The following ADCY8 variants were observed in gnomAD, a reference collection of about 807,000 sequenced individuals.
ADCY8 encodes adenylate cyclase 8, also known as adenylate cyclase type 8.
A neutral mutation model predicts 119.7 loss-of-function variants in ADCY8; 51 were observed. The observed-to-expected ratio is 0.43, with a 90% CI of 0.34 to 0.54. The LOEUF (loss-of-function observed/expected upper bound fraction) is 0.54. Among genes scored for constraint, ADCY8 ranks in the 20% least tolerant of loss-of-function variants. The pLI, the probability that ADCY8 is intolerant of heterozygous loss-of-function variation, is 0.03. For missense variants in ADCY8, 1,383 were observed against 1,598.8 expected, an observed-to-expected ratio of 0.87 and a Z score of 2.30; for synonymous variants, 665 against 651.0, an observed-to-expected ratio of 1.02 and a Z score of -0.33.
At chr8:130,904,303 G>A (rs1397676418) in intron 6 of ADCY8, among the ~76,000 whole-genome samples, 1 of 152,136 alleles carries the variant, frequency 6.6e-6, no homozygotes, top group Non-Finnish European at 1.5e-5. Context: ...CCACACCTAA[G>A]CACATCTTTT....
chr8:130,844,626 A>G (rs559251542), intron 11 of ADCY8, among the ~76,000 whole-genome samples: 3 of 152,288 alleles, frequency 2.0e-5, no homozygotes, highest in South Asian at 4.1e-4. Flanking sequence ...TATCTAATCC[A>G]TTTTAGTTTG....
intron 7 of ADCY8, among the ~76,000 whole-genome samples, chr8:130,902,530 A>G (rs545140702): frequency 2.6e-5 from 4 of 152,318 alleles, no homozygotes; most frequent in South Asian, 4.1e-4. Flanking sequence ...AATCTGGCCC[A>G]TGCATTTTCT....
intron 1 of ADCY8, among the ~76,000 whole-genome samples, chr8:131,006,288 GCAGT>G (rs1237777390): frequency 6.6e-6 from 1 of 152,176 alleles, no homozygotes; most frequent in Non-Finnish European, 1.5e-5. Flanking sequence ...TTGACACACA[GCAGT>G]CATTCAGTAA....
chr8:131,005,911 C>G (rs1823101846), intron 1 of ADCY8, among the ~76,000 whole-genome samples: 1 of 152,194 alleles, frequency 6.6e-6, no homozygotes, highest in South Asian at 2.1e-4. Context: ...TTCATTTACT[C>G]TTTTGAATGT....
At chr8:130,873,699 C>T (rs1818449235) in intron 8 of ADCY8, among the ~76,000 whole-genome samples, 1 of 152,134 alleles carries the variant, frequency 6.6e-6, no homozygotes, top group South Asian at 2.1e-4. Flanking sequence ...CATCTTGCTC[C>T]AATCTTTACT....
chr8:130,999,806 T>C (rs1822888742), intron 1 of ADCY8, among the ~76,000 whole-genome samples: 1 of 152,204 alleles, frequency 6.6e-6, no homozygotes, highest in Non-Finnish European at 1.5e-5. Context: ...GATCTGGGCC[T>C]TGAGTTCATT....
chr8:130,804,126 G>T (rs1815869931), intron 14 of ADCY8, among the ~76,000 whole-genome samples: 1 of 152,318 alleles, frequency 6.6e-6, no homozygotes, highest in Non-Finnish European at 1.5e-5. Context: ...GCTGTGGTTT[G>T]GTGGGAAAGT....
At chr8:130,951,840 G>A (rs1292678992) in intron 3 of ADCY8, 28 bp downstream of exon 3, 2 of 1,612,842 alleles carry the variant, frequency 1.2e-6, no homozygotes, top group African/African-American at 1.3e-5. Flanking sequence ...TCATGCAAGA[G>A]CCGGGGCAAG....
intron 12 of ADCY8, among the ~76,000 whole-genome samples, chr8:130,824,620 T>C (rs1417679990): frequency 6.6e-6 from 1 of 152,240 alleles, no homozygotes; most frequent in Admixed American, 6.5e-5. Context: ...ACGAAGGTCG[T>C]GTGATGTTGG....
intron 7 of ADCY8, among the ~76,000 whole-genome samples, chr8:130,903,128 G>A (rs1819656577): frequency 6.6e-6 from 1 of 151,994 alleles, no homozygotes; most frequent in Non-Finnish European, 1.5e-5. Flanking sequence ...TTCAATATTT[G>A]AATAAATAAT....
intron 7 of ADCY8, among the ~76,000 whole-genome samples, chr8:130,896,845 T>A (rs1359483822): frequency 6.6e-6 from 1 of 152,120 alleles, no homozygotes; most frequent in Non-Finnish European, 1.5e-5. Context: ...TGGTAAATTA[T>A]TTATGGATGG....
chr8:130,932,774 C>T (rs528464770), intron 5 of ADCY8, among the ~76,000 whole-genome samples: 456 of 152,258 alleles, frequency 3.0e-3, no homozygotes, highest in African/African-American at 7.1e-3. Context: ...CTCTTTGAAA[C>T]CTGCCAATGC....
chr8:130,862,057 T>C (rs1171347661), intron 9 of ADCY8, among the ~76,000 whole-genome samples: 4 of 152,210 alleles, frequency 2.6e-5, no homozygotes. Context: ...CTTCTTTTTA[T>C]ACATTGTTAG....
chr8:130,970,030 C>A (rs1006090235), intron 2 of ADCY8, among the ~76,000 whole-genome samples: 4 of 152,180 alleles, frequency 2.6e-5, no homozygotes, highest in Admixed American at 2.0e-4. Flanking sequence ...GACAATGACA[C>A]CTTTGTGAGT....
At chr8:130,820,716 T>A (rs1816481861) in intron 13 of ADCY8, among the ~76,000 whole-genome samples, 1 of 152,202 alleles carries the variant, frequency 6.6e-6, no homozygotes, top group Non-Finnish European at 1.5e-5. Context: ...CTCCAGATTC[T>A]GGTAAAGAGT....
chr8:131,027,096 T>C (rs1000633656), intron 1 of ADCY8, among the ~76,000 whole-genome samples: 1 of 152,220 alleles, frequency 6.6e-6, no homozygotes, highest in Non-Finnish European at 1.5e-5. Flanking sequence ...TTCTGTCTCA[T>C]TGAGAGTCAT....
chr8:130,826,492 A>C lies in ADCY8; in HGVS notation c.2676-5072T>G, dbSNP rs34716949. Among the ~76,000 whole-genome samples the C allele has an allele frequency of 2.6e-5, 4 of 152,292 alleles. No homozygotes were observed. The South Asian group carries it at 8.3e-4, about 32-fold the overall frequency. ...GTGCCAATTTTCTTTAATTCCCTCC[A>C]AATGCTTTTAGATAAGTGTTTTTCC... On this transcript the variant is annotated intron_variant, in intron 12 of 17. Transcript: ENST00000286355.
chr8:130,863,629 C>T (rs772958684), intron 9 of ADCY8, among the ~76,000 whole-genome samples: 1 of 151,958 alleles, frequency 6.6e-6, no homozygotes, highest in Admixed American at 6.6e-5. Context: ...TTATATTTCT[C>T]TCTTTAAAAA....
Position 131,039,571 on chromosome 8 carries a change from T to C in ADCY8, c.763A>G (p.Thr255Ala), listed in dbSNP as rs765618840. Residue 255 changes from threonine (T) to alanine (A), a missense_variant, in exon 1 of 18, where the codon ACC becomes GCC. Coordinates refer to ENST00000286355, the MANE Select transcript of ADCY8 (RefSeq NM_001115.3). The stretch of plus-strand genomic sequence containing the variant: ...CCGAGGCCTGCTGCCAGGATCTGGG[T>C]GGTCATGGCCACCCAGGTGACCACG... The part of the protein sequence containing the change: ...SGVVTWVAMT[T>A]QILAAGLGYG... 3.8e-5 allele frequency: 62 copies of C among 1,613,676 alleles called. No homozygotes were observed. Among genetic ancestry groups the C allele is most frequent in the Non-Finnish European group, 5.0e-5 (59 of 1,180,004 alleles).
Sources: gnomAD v4.1 joint callset for allele counts (sites outside exome capture counted in the v4.1 genomes callset) on GRCh38, gnomAD v4.1.1 for gene constraint, MANE v1.5 for transcripts, NCBI Gene and HGNC (gene_info 2026-07-23, HGNC 2026-07-21) for gene names.